The following DRC1 variants were observed in gnomAD, a reference collection of about 807,000 sequenced individuals.
The protein encoded by DRC1 is dynein regulatory complex subunit 1, also known as dynein regulatory complex protein 1.
In DRC1, 74 loss-of-function variants were observed where a neutral mutation model predicts 98.7. The ratio of observed to expected loss-of-function variants is 0.75; its 90% CI spans 0.62 to 0.91. The LOEUF (loss-of-function observed/expected upper bound fraction) is 0.91. DRC1 is among the 40% of genes least tolerant of loss of function. The pLI is 0.00. For missense variants in DRC1, 875 were observed against 886.0 expected (o/e 0.99, Z 0.16); for synonymous variants, 336 against 334.1 (o/e 1.01, Z -0.06).
At chr2:26,428,592 A>C (rs1236241166) in intron 4 of DRC1, among the ~76,000 whole-genome samples, 3 of 152,196 alleles carry the variant, frequency 2.0e-5, no homozygotes, top group Non-Finnish European at 4.4e-5. Flanking sequence ...AGGTCAGGAT[A>C]TCGAGACCAT....
At chr2:26,420,924 T>A (rs1261260724) in intron 2 of DRC1, among the ~76,000 whole-genome samples, 2 of 151,850 alleles carry the variant, frequency 1.3e-5, no homozygotes, top group East Asian at 1.9e-4. Flanking sequence ...CCACCATGCC[T>A]GGCTAATTTT....
intron 7 of DRC1, among the ~76,000 whole-genome samples, chr2:26,438,082 T>A (rs1663619705): frequency 9.1e-6 from 1 of 109,294 alleles, no homozygotes; most frequent in African/African-American, 3.9e-5. Context: ...AGAAAGACTC[T>A]ATCTCAAAAA....
chr2:26,454,866 C>T lies in DRC1; in HGVS notation c.2063+76C>T. 6.3e-7 allele frequency: 1 copy of T among 1,596,138 alleles called. No individual in the cohort carries two copies. The highest frequency in any genetic ancestry group is 1.1e-5 in the South Asian group (1 of 88,244). ...CGGTTGTTGGGAGCAGCCGCGTTTG[C>T]TGCCTCCCTGTCCCACTGAACCTGG... On this transcript the variant is annotated intron_variant, in intron 15 of 16. Coordinates refer to ENST00000288710, the MANE Select transcript of DRC1 (RefSeq NM_145038.5). The surrounding 1 kb of genome is among the most constrained non-coding windows in gnomAD (Gnocchi z 5.2).
At chr2:26,418,579 T>A (rs866281870) in intron 2 of DRC1, among the ~76,000 whole-genome samples, 1 of 104,988 alleles carries the variant, frequency 9.5e-6, no homozygotes, top group Admixed American at 1.3e-4. Flanking sequence ...ATATATTATA[T>A]ATAAATTATA....
chr2:26,434,971 G>A (rs1663534595), intron 7 of DRC1, among the ~76,000 whole-genome samples: 1 of 152,128 alleles, frequency 6.6e-6, no homozygotes, highest in South Asian at 2.1e-4. Context: ...GCAACAGTGT[G>A]GCCTGAGATG....
chr2:26,411,083 AC>A (rs935310182), intron 1 of DRC1, among the ~76,000 whole-genome samples: 14 of 152,178 alleles, frequency 9.2e-5, no homozygotes, highest in Non-Finnish European at 7.4e-5. Flanking sequence ...TAGACCACAA[AC>A]ATGGGGCGGT....
At chr2:26,429,188 T>TG (rs1558443475) in intron 4 of DRC1, among the ~76,000 whole-genome samples, 7 of 1,698 alleles carry the variant, frequency 4.1e-3, no homozygotes, top group Non-Finnish European at 7.1e-3. Context: ...TACAGATGAT[T>TG]ATTATTATTA....
chr2:26,449,654 G>A (rs911978879), intron 11 of DRC1, among the ~76,000 whole-genome samples: 7 of 152,248 alleles, frequency 4.6e-5, no homozygotes, highest in Non-Finnish European at 1.0e-4. Context: ...TGAAGCAGGA[G>A]CCTGTGACTG....
chr2:26,402,774 A>C (rs956823868), intron 1 of DRC1, among the ~76,000 whole-genome samples: 2 of 152,164 alleles, frequency 1.3e-5, no homozygotes, highest in African/African-American at 4.8e-5. Context: ...GGGCCTTCAT[A>C]GGGTTGATTG....
At chr2:26,450,974 C>A (rs556642517) in intron 13 of DRC1, among the ~76,000 whole-genome samples, 1 of 135,238 alleles carries the variant, frequency 7.4e-6, no homozygotes, top group Non-Finnish European at 1.6e-5. Context: ...TGAGAACATG[C>A]GGTGTTTGGT....
intron 1 of DRC1, among the ~76,000 whole-genome samples, chr2:26,407,449 A>C (rs948880073): frequency 1.5e-4 from 23 of 152,262 alleles, no homozygotes; most frequent in African/African-American, 5.3e-4. Context: ...GGATTTAAAA[A>C]ATCCTATGGC....
intron 13 of DRC1, among the ~76,000 whole-genome samples, chr2:26,452,751 C>T (rs532011954): frequency 3.9e-4 from 59 of 152,124 alleles, no homozygotes; most frequent in African/African-American, 1.4e-3. Flanking sequence ...GAAAAGGTAC[C>T]TAAGGTTTAT....
chr2:26,414,298 T>A, intron 1 of DRC1, 46 bp from the exon 2 acceptor site: 1 of 1,599,250 alleles, frequency 6.3e-7, no homozygotes, highest in Non-Finnish European at 8.6e-7. Flanking sequence ...ATATAGAATT[T>A]ACGTATTAGA....
intron 13 of DRC1, 85 bp from the exon 14 acceptor site, chr2:26,453,235 T>C: frequency 6.6e-7 from 1 of 1,520,460 alleles, no homozygotes; most frequent in Non-Finnish European, 8.9e-7. Context: ...CTGTAAACTT[T>C]TCTGGTTTTT....
chr2:26,425,518 G>A (rs1415062292), intron 4 of DRC1, among the ~76,000 whole-genome samples: 1 of 152,060 alleles, frequency 6.6e-6, no homozygotes, highest in African/African-American at 2.4e-5. Context: ...TATAATGATT[G>A]CACCATTTTA....
intron 4 of DRC1, among the ~76,000 whole-genome samples, chr2:26,428,076 T>C (rs1663332152): frequency 6.6e-6 from 1 of 152,246 alleles, no homozygotes; most frequent in African/African-American, 2.4e-5. Context: ...ATTTAAGTTC[T>C]AACAGGTTTT....
At chr2:26,433,041 C>T (rs1002182643) in intron 7 of DRC1, among the ~76,000 whole-genome samples, 4 of 152,176 alleles carry the variant, frequency 2.6e-5, no homozygotes, top group African/African-American at 9.6e-5. Flanking sequence ...TTCAGAAGGG[C>T]GTTCCACAAA....
intron 4 of DRC1, 26 bp downstream of exon 4, chr2:26,424,480 A>G (rs774234884): frequency 6.3e-7 from 1 of 1,586,578 alleles, no homozygotes; most frequent in South Asian, 1.1e-5. Flanking sequence ...CCTCCAGCCC[A>G]GCCACAGGGG....
intron 2 of DRC1, among the ~76,000 whole-genome samples, chr2:26,416,895 T>A (rs902103594): frequency 2.6e-5 from 4 of 152,238 alleles, no homozygotes; most frequent in Non-Finnish European, 5.9e-5. Flanking sequence ...CATAGTGACT[T>A]CTGCTTCTGA....
Sources: gnomAD v4.1 joint callset for allele counts (sites outside exome capture counted in the v4.1 genomes callset) on GRCh38, gnomAD v4.1.1 for gene constraint, Gnocchi (gnomAD v3.1) non-coding constraint, MANE v1.5 for transcripts, NCBI Gene and HGNC (gene_info 2026-07-23, HGNC 2026-07-21) for gene names.